Variants in TMEM141 observed in about 807,000 individuals in gnomAD.
The protein encoded by TMEM141 is transmembrane protein 141.
In TMEM141, 18 loss-of-function variants were observed where a neutral mutation model predicts 15.9. The observed-to-expected ratio is 1.13, with a 90% CI of 0.78 to 1.68. The LOEUF (loss-of-function observed/expected upper bound fraction) is 1.68. TMEM141 is among the 40% of genes most tolerant of loss of function. The pLI is 0.00. For synonymous variants in TMEM141, 69 were observed against 54.0 expected (o/e 1.28, Z -1.22); for missense variants, 161 against 139.5 (o/e 1.15, Z -0.78).
In TMEM141 at chr9:136,792,358, G is replaced by A; in HGVS notation, c.313G>A (p.Asp105Asn). Residue 105 changes from aspartate to asparagine, a missense_variant and splice_region_variant, in exon 4 of 5, where the codon GAT (aspartate) becomes AAT (asparagine). By Grantham distance (23) the Asp-to-Asn change is conservative. Transcript: ENST00000290079. ...GCAGCTCCCCAAAGACAGGAGCACA[G>A]GTGAGAGAGCCTGGGGGTTAGCGAG... Reference protein sequence around the residue: ...TGQLPKDRSTDQRS With the variant: ...TGQLPKDRSTNQRS The A allele has an allele frequency of 6.4e-7, 1 of 1,568,692 alleles. No individual in the cohort carries two copies. Among genetic ancestry groups the A allele is most frequent in the Non-Finnish European group, 8.6e-7 (1 of 1,156,218 alleles).
chr9:136,791,903 G>A, intron 2 of TMEM141, 44 bp from the exon 3 acceptor site: 2 of 1,613,536 alleles, frequency 1.2e-6, no homozygotes, highest in East Asian at 2.2e-5. Context: ...GTGGGCCCTG[G>A]CTATCCCCGG....
In TMEM141 at chr9:136,792,893, T is replaced by C. The variant is rs376572084; in HGVS notation, c.*61T>C. 1.1e-3 allele frequency: 1,582 copies of C among 1,467,312 alleles called. 22 individuals carry two copies. The African/African-American group carries it at 0.02, about 19-fold the overall frequency. The allele number at this position is 1,467,312 out of a possible 1,614,324, so 90.9% of individuals were successfully genotyped here. ...GGAGGAGTCTGGAACACAGCCTTCA[T>C]GCCCCCTGACCCCAGGCCGACCCTC... On this transcript the variant is annotated 3_prime_UTR_variant, in exon 5 of 5. Coordinates refer to ENST00000290079, the MANE Select transcript of TMEM141 (RefSeq NM_032928.4).
Position 136,792,342 on chromosome 9 carries a change from C to T in TMEM141, c.297C>T (p.Pro99=). ...LWLFLETGQL[P]KDRSTDQRS is the part of the protein sequence containing the mutation. ...TCTTCCTGGAGACCGGGCAGCTCCC[C>T]AAAGACAGGAGCACAGGTGAGAGAG... Residue 99 remains proline (P), a synonymous_variant, in exon 4 of 5, where the codon CCC becomes CCT. Transcript: ENST00000290079. 2.5e-6 allele frequency: 4 copies of T among 1,577,470 alleles called. No individual in the cohort carries two copies. Among genetic ancestry groups the T allele is most frequent in the South Asian group, 1.2e-5 (1 of 86,110 alleles).
intron 3 of TMEM141, 100 bp from the exon 4 acceptor site, chr9:136,792,150 CT>C: frequency 6.7e-7 from 1 of 1,501,988 alleles, no homozygotes; most frequent in Non-Finnish European, 9.1e-7. Context: ...GGAGCCCCAC[CT>C]GAGCCCACCC....
chr9:136,791,597 C>A, intron 1 of TMEM141, 114 bp from the exon 2 acceptor site: 1 of 1,567,632 alleles, frequency 6.4e-7, no homozygotes, highest in Non-Finnish European at 8.7e-7. Flanking sequence ...GGGACGTGTC[C>A]AAGCGCCCAG....
rs1028434180 is a variant in TMEM141, at chr9:136,792,911, C to T, written c.*79C>T. ...GCCTTCATGCCCCCTGACCCCAGGC[C>T]GACCCTCCCCACACCCTAGGGTACC... is the stretch of plus-strand genomic sequence containing the variant. On this transcript the variant is annotated 3_prime_UTR_variant, in exon 5 of 5. Coordinates refer to ENST00000290079, the MANE Select transcript of TMEM141 (RefSeq NM_032928.4). 31 of 1,428,374 alleles carry T rather than the reference C, an allele frequency of 2.2e-5. No homozygotes were observed. Among genetic ancestry groups the T allele is most frequent in the East Asian group, 5.2e-5 (2 of 38,748 alleles). The allele number at this position is 1,428,374 out of a possible 1,614,324, so 88.5% of individuals were successfully genotyped here.
intron 2 of TMEM141, 62 bp from the exon 3 acceptor site, chr9:136,791,885 C>G: frequency 6.2e-7 from 1 of 1,612,014 alleles, no homozygotes; most frequent in Non-Finnish European, 8.5e-7. Flanking sequence ...TGCTGGGGGC[C>G]TGGCAAGGTG....
chr9:136,791,407 G>GT lies in TMEM141; in HGVS notation c.38dup (p.Ala14GlyfsTer129). 1 of 1,559,638 alleles carries GT rather than the reference G, an allele frequency of 6.4e-7. No individual in the cohort carries two copies. The highest frequency in any genetic ancestry group is 8.7e-7 in the Non-Finnish European group (1 of 1,152,154). On this transcript the variant is annotated frameshift_variant, in exon 1 of 5. Coordinates refer to ENST00000290079, the MANE Select transcript of TMEM141 (RefSeq NM_032928.4). LOFTEE classifies it high-confidence loss of function. Reference sequence around the variant, plus strand: ...GGGTCTGTCCCGGGTGGACGACGCCGTGGCTGCCAAGCACCCGGTGAGAAG... The same window carrying GT: ...GGGTCTGTCCCGGGTGGACGACGCCGTTGGCTGCCAAGCACCCGGTGAGAAG...
chr9:136,791,709 A>G lies in TMEM141; in HGVS notation c.55-2A>G. On this transcript the variant is annotated splice_acceptor_variant, in intron 1 of 4. Transcript: ENST00000290079. LOFTEE classifies it high-confidence loss of function. ...AGCCTTCACCCGCCTCTGCCACCCC[A>G]GGGACTCGGGGAGTATGCCGCATGC... is the stretch of plus-strand genomic sequence containing the variant. 6.2e-7 allele frequency: 1 copy of G among 1,612,956 alleles called. No homozygotes were observed. Among genetic ancestry groups the G allele is most frequent in the African/African-American group, 1.3e-5 (1 of 75,040 alleles).
In TMEM141 at chr9:136,792,922, AC is replaced by A. The variant is rs1360393278; in HGVS notation, c.*91del. 2 of 1,418,576 alleles carry A rather than the reference AC, an allele frequency of 1.4e-6. No individual in the cohort carries two copies. The highest frequency in any genetic ancestry group is 2.6e-5 in the Admixed American group (1 of 38,096). The allele number at this position is 1,418,576 out of a possible 1,614,324, so 87.9% of individuals were successfully genotyped here. A position where few individuals can be genotyped will look rare whatever the true frequency, so the allele number is the denominator to read the frequency against. ...CCCTGACCCCAGGCCGACCCTCCCC[AC>A]ACCCTAGGGTACCCCAGTCGTATCC... On this transcript the variant is annotated 3_prime_UTR_variant, in exon 5 of 5. Transcript: ENST00000290079.
chr9:136,792,454 G>T, intron 4 of TMEM141, 96 bp downstream of exon 4: 2 of 1,032,292 alleles, frequency 1.9e-6, no homozygotes, highest in South Asian at 2.9e-5. Context: ...CGATAGGCTA[G>T]ACAAGGTCCC....
intron 4 of TMEM141, 68 bp from the exon 5 acceptor site, chr9:136,792,751 A>G: frequency 7.8e-7 from 1 of 1,279,784 alleles, no homozygotes; most frequent in South Asian, 1.5e-5. Context: ...CTGCCATGAT[A>G]AAATGGGCAC....
Position 136,792,045 on chromosome 9 carries a change from G to A in TMEM141, c.205+15G>A, listed in dbSNP as rs760278352. The stretch of plus-strand genomic sequence containing the variant: ...AGTGGCCGTGGGTGGGTACTCCAGG[G>A]CCCCTGCCTGGGCTCTTTGAGGGGT... On this transcript the variant is annotated intron_variant, in intron 3 of 4. Transcript: ENST00000290079. The A allele has an allele frequency of 1.2e-6, 2 of 1,613,414 alleles. No individual in the cohort carries two copies. The highest frequency in any genetic ancestry group is 2.2e-5 in the South Asian group (2 of 91,068).
intron 4 of TMEM141, 56 bp downstream of exon 4, chr9:136,792,414 T>G: frequency 6.9e-7 from 1 of 1,454,216 alleles, no homozygotes; most frequent in Non-Finnish European, 9.4e-7. Context: ...GCACCCAGAG[T>G]TTTGGGCAGC....
rs371967798 is a variant in TMEM141, at chr9:136,792,242, G to A, written c.206-9G>A. 2 of 1,570,120 alleles carry A rather than the reference G, an allele frequency of 1.3e-6. No homozygotes were observed. The highest frequency in any genetic ancestry group is 1.7e-6 in the Non-Finnish European group (2 of 1,156,516). On this transcript the variant is annotated splice_polypyrimidine_tract_variant and intron_variant, in intron 3 of 4. Transcript: ENST00000290079. ...AGGCCCCAGCCCTCTTCCATTTCCT[G>A]CTCCACAGTTGCAGGCTCTGTGGTC... is the stretch of plus-strand genomic sequence containing the variant.
At chr9:136,792,086 T>C (rs1031394960) in intron 3 of TMEM141, 56 bp downstream of exon 3, 2 of 1,605,620 alleles carry the variant, frequency 1.2e-6, no homozygotes, top group Non-Finnish European at 1.7e-6. Context: ...TCTGCTAGGG[T>C]TGGGGCTGTG....
At chr9:136,792,460 G>T (rs3824577) in intron 4 of TMEM141, 102 bp downstream of exon 4, 10 of 989,178 alleles carry the variant, frequency 1.0e-5, no homozygotes, top group Non-Finnish European at 1.2e-5. Context: ...GCTAGACAAG[G>T]TCCCTCCCTC....
Position 136,792,370 on chromosome 9 carries a change from T to G in TMEM141, c.313+12T>G. ...AGACAGGAGCACAGGTGAGAGAGCC[T>G]GGGGGTTAGCGAGAAGTGAATGCCA... On this transcript the variant is annotated intron_variant, in intron 4 of 4. Transcript: ENST00000290079. 1 of 1,558,994 alleles carries G rather than the reference T, an allele frequency of 6.4e-7. No individual in the cohort carries two copies. The highest frequency in any genetic ancestry group is 1.2e-5 in the South Asian group (1 of 84,734).
In TMEM141 at chr9:136,791,741, C is replaced by G; in HGVS notation, c.85C>G (p.His29Asp). The change falls in exon 2 of 5, where the codon CAC becomes GAC. Residue 29 changes from histidine (H) to aspartate (D), a missense_variant. His to Asp is a moderately conservative substitution (Grantham distance 81, BLOSUM62 -1). Transcript: ENST00000290079. ...CGGGGAGTATGCCGCATGCCAGTCA[C>G]ACGCCTTCATGAAGGGCGTTTTCAC... ...GLGEYAACQSHAFMKGVFTFV... is the reference protein window; with the variant it reads ...GLGEYAACQSDAFMKGVFTFV... 6.2e-7 allele frequency: 1 copy of G among 1,613,534 alleles called. No homozygotes were observed.
Sources: gnomAD v4.1 joint callset for allele counts on GRCh38, gnomAD v4.1.1 for gene constraint, MANE v1.5 for transcripts, NCBI Gene and HGNC (gene_info 2026-07-23, HGNC 2026-07-21) for gene names.